CRCP: variants seen among roughly 807,000 people sequenced by gnomAD.
The protein encoded by CRCP is CGRP receptor component.
CRCP carries 18 observed loss-of-function variants against 18.5 expected under a neutral mutation model. The observed-to-expected ratio is 0.97, with a 90% CI of 0.67 to 1.44. The LOEUF is 1.44. Ranked by LOEUF, CRCP falls within the 40% of genes most tolerant of loss-of-function variation. CRCP has a pLI of 0.00. For missense variants in CRCP, 130 were observed against 176.4 expected (o/e 0.74, Z 1.49); for synonymous variants, 53 against 62.9 (o/e 0.84, Z 0.75).
intron 1 of CRCP, 52 bp downstream of exon 1, chr7:66,115,022 C>T (rs974512869): frequency 1.3e-5 from 21 of 1,589,692 alleles, no homozygotes; most frequent in Non-Finnish European, 1.8e-5. Context: ...AACGGTTTGA[C>T]CGCTGAGAGC....
At chr7:66,142,893 G>A (rs1002248189) in intron 4 of CRCP, among the ~76,000 whole-genome samples, 33 of 152,098 alleles carry the variant, frequency 2.2e-4, no homozygotes, top group African/African-American at 8.0e-4. Context: ...CCACTCCATG[G>A]TTTCATGTAA....
chr7:66,126,670 T>G (rs1186173159), intron 1 of CRCP: 1 of 423,836 alleles, frequency 2.4e-6, no homozygotes, highest in African/African-American at 2.0e-5. Flanking sequence ...AGAACTATTC[T>G]AAACTTTTAA....
rs943382401 is a variant in CRCP, at chr7:66,130,914, G to A, written c.144+72G>A. 8 of 849,108 alleles carry A rather than the reference G, an allele frequency of 9.4e-6. No homozygotes were observed. In the African/African-American group the frequency reaches 1.2e-4, roughly 13 times the overall value. 52.6% of individuals were successfully genotyped at this position (849,108 alleles called of 1,614,324 possible). A position where few individuals can be genotyped will look rare whatever the true frequency, so the allele number is the denominator to read the frequency against. On this transcript the variant is annotated intron_variant, in intron 3 of 5. Transcript: ENST00000395326. ...GGGGGGTTTATTCTCCCAATGACTG[G>A]CAGCTGAAATTAAGATTGCTTTTTA... is the stretch of plus-strand genomic sequence containing the variant.
rs202149934 is a variant in CRCP, at chr7:66,120,193, G to A, written c.8+5223G>A. Among the ~76,000 whole-genome samples the A allele has an allele frequency of 4.3e-4, 65 of 150,902 alleles. No homozygotes were observed. The East Asian group carries it at 8.8e-3, about 20-fold the overall frequency. ...AGCGAGACCCCGTCTCAAAAAAAAAGAAAAAAAGAAAAAGAAAAAAAAATG... is the reference window on the plus strand; with the variant it reads ...AGCGAGACCCCGTCTCAAAAAAAAAAAAAAAAAGAAAAAGAAAAAAAAATG... On this transcript the variant is annotated intron_variant, in intron 1 of 5. Transcript: ENST00000395326.
intron 1 of CRCP, chr7:66,119,493 G>A (rs1787368386): frequency 6.6e-6 from 1 of 152,200 alleles, no homozygotes; most frequent in African/African-American, 2.4e-5. Flanking sequence ...TGACTTGTGT[G>A]ACTGCTGTCT....
chr7:66,114,818 A>C, upstream of CRCP: 1 of 1,583,424 alleles, frequency 6.3e-7, no homozygotes, highest in Non-Finnish European at 8.6e-7. Flanking sequence ...CGGGTCCGCC[A>C]AGCTCCCGGC....
intron 4 of CRCP, among the ~76,000 whole-genome samples, chr7:66,136,223 T>C (rs1368151039): frequency 6.6e-6 from 1 of 152,102 alleles, no homozygotes. Context: ...AGCCCGTTTT[T>C]TTTTTATTGG....
chr7:66,146,818 T>C (rs946731093), intron 5 of CRCP, among the ~76,000 whole-genome samples: 19 of 151,880 alleles, frequency 1.3e-4, no homozygotes, highest in African/African-American at 3.9e-4. Flanking sequence ...TGTATTGGAG[T>C]TTCAACCTAG....
intron 5 of CRCP, among the ~76,000 whole-genome samples, chr7:66,151,673 C>CTGTGTGTG (rs1223890806): frequency 0.024 from 3,338 of 138,422 alleles, 56 homozygotes; most frequent in South Asian, 0.047. Context: ...CCACTTCTCT[C>CTGTGTGTG]TGTGTGTGTG....
In CRCP at chr7:66,152,212, T is replaced by TG. The variant is rs760827035; in HGVS notation, c.304dup (p.Glu102GlyfsTer4). 2 of 1,613,978 alleles carry TG rather than the reference T, an allele frequency of 1.2e-6. No homozygotes were observed. The highest frequency in any genetic ancestry group is 1.7e-6 in the Non-Finnish European group (2 of 1,179,956). ...GGATTTTCTTTCCTTCTGCAGATGG[T>TG]GGAAGAGAGTGAAGAGCGGCTCACG... On this transcript the variant is annotated frameshift_variant, in exon 6 of 6. Transcript: ENST00000395326. LOFTEE classifies it high-confidence loss of function.
intron 3 of CRCP, among the ~76,000 whole-genome samples, chr7:66,132,897 C>T (rs1237281886): frequency 2.6e-5 from 4 of 151,416 alleles, no homozygotes. Flanking sequence ...GGCGACAGAG[C>T]AAGACTCTGT....
At chr7:66,125,277 T>G (rs1336541864) in intron 1 of CRCP, among the ~76,000 whole-genome samples, 5 of 149,154 alleles carry the variant, frequency 3.4e-5, no homozygotes, top group African/African-American at 9.7e-5. Flanking sequence ...ACCTGTCGTT[T>G]AGTGGTGGTT....
intron 3 of CRCP, among the ~76,000 whole-genome samples, chr7:66,131,523 C>G (rs948014079): frequency 1.1e-4 from 17 of 152,034 alleles, no homozygotes; most frequent in African/African-American, 4.1e-4. Context: ...GTTGTCCAGG[C>G]TGGTCTCCAA....
At chr7:66,115,341 C>G (rs1237230936) in intron 1 of CRCP, among the ~76,000 whole-genome samples, 1 of 152,144 alleles carries the variant, frequency 6.6e-6, no homozygotes, top group Non-Finnish European at 1.5e-5. Flanking sequence ...TGAGTCTGTC[C>G]GCCCTGAAAG....
chr7:66,115,142 C>G (rs573950365), intron 1 of CRCP, among the ~76,000 whole-genome samples, 172 bp downstream of exon 1: 1 of 152,122 alleles, frequency 6.6e-6, no homozygotes, highest in Non-Finnish European at 1.5e-5. Flanking sequence ...ACGGGACTCT[C>G]GCTTTGCCCT....
intron 4 of CRCP, among the ~76,000 whole-genome samples, chr7:66,138,555 G>A (rs575403739): frequency 2.1e-4 from 31 of 150,740 alleles, no homozygotes; most frequent in African/African-American, 7.3e-4. Context: ...GGAGGCCGAG[G>A]CTGGCAGATC....
At chr7:66,121,128 G>A (rs1787428227) in intron 1 of CRCP, among the ~76,000 whole-genome samples, 1 of 151,538 alleles carries the variant, frequency 6.6e-6, no homozygotes, top group African/African-American at 2.4e-5. Flanking sequence ...AGGCTGGAGT[G>A]CAATGGCGCA....
chr7:66,120,191 A>G (rs181205133), intron 1 of CRCP, among the ~76,000 whole-genome samples: 167 of 151,672 alleles, frequency 1.1e-3, no homozygotes, highest in African/African-American at 3.9e-3. Flanking sequence ...CTCAAAAAAA[A>G]AGAAAAAAAG....
At chr7:66,127,838 G>A in intron 2 of CRCP, 98 bp downstream of exon 2, 1 of 1,363,690 alleles carries the variant, frequency 7.3e-7, no homozygotes, top group Non-Finnish European at 1.0e-6. Flanking sequence ...TTCAGGCTGG[G>A]TGCAGTGGTT....
Sources: allele counts gnomAD v4.1 joint callset (sites outside exome capture counted in the v4.1 genomes callset), GRCh38; gene constraint gnomAD v4.1.1; transcripts MANE v1.5; gene names NCBI Gene and HGNC (gene_info 2026-07-23, HGNC 2026-07-21).